CACNA1C: variants seen among roughly 807,000 people sequenced by gnomAD.
CACNA1C encodes calcium voltage-gated channel subunit alpha1 C, also known as voltage-dependent L-type calcium channel subunit alpha-1C.
Under a neutral mutation model 229.0 loss-of-function variants are expected in CACNA1C, and 30 were observed. That is an observed-to-expected ratio of 0.13 (90% confidence interval 0.10 to 0.18). CACNA1C has a LOEUF of 0.18. Ranked by LOEUF, CACNA1C falls within the 10% of genes least tolerant of loss-of-function variation. The pLI, the probability that CACNA1C is intolerant of heterozygous loss-of-function variation, is 1.00. For synonymous variants in CACNA1C, 1,114 were observed against 1,132.5 expected (o/e 0.98, Z 0.33); for missense variants, 1,658 against 2,845.0 (o/e 0.58, Z 9.49).
At chr12:2,229,875 T>A (rs1325503764) in intron 3 of CACNA1C, among the ~76,000 whole-genome samples, 2 of 152,122 alleles carry the variant, frequency 1.3e-5, no homozygotes, top group African/African-American at 4.8e-5. Context: ...GCACGGCAGC[T>A]TTTGCCCGGA....
intron 3 of CACNA1C, among the ~76,000 whole-genome samples, chr12:2,418,397 G>T (rs1189835634): frequency 6.6e-6 from 1 of 152,192 alleles, no homozygotes; most frequent in East Asian, 1.9e-4. Flanking sequence ...AATCTGTCCT[G>T]AGAGTAGGTT....
rs1569212959 is a variant in CACNA1C, at chr12:2,678,348, GC to G, written c.5091+482del. Reference sequence around the variant, plus strand: ...CGGTGGCCCTTTGAGATGGAGCATAGCGTGTGTTCTCCAGGTCTCCAAGACC... The same window carrying G: ...CGGTGGCCCTTTGAGATGGAGCATAGGTGTGTTCTCCAGGTCTCCAAGACC... On this transcript the variant is annotated intron_variant, in intron 41 of 46. Coordinates refer to ENST00000399655, the MANE Select transcript of CACNA1C (RefSeq NM_000719.7). The surrounding 1 kb of genome is among the most constrained non-coding windows in gnomAD (Gnocchi z 4.1). 6.6e-6 allele frequency among the ~76,000 whole-genome samples: 1 copy of G among 152,194 alleles called. No homozygotes were observed. The highest frequency in any genetic ancestry group is 1.9e-4 in the East Asian group (1 of 5,186).
chr12:2,455,381 A>C (rs1399654667), intron 4 of CACNA1C, among the ~76,000 whole-genome samples: 1 of 152,230 alleles, frequency 6.6e-6, no homozygotes, highest in Non-Finnish European at 1.5e-5. Context: ...TATTTCAAAG[A>C]TTTAGTACAA....
intron 5 of CACNA1C, among the ~76,000 whole-genome samples, chr12:2,464,920 G>A (rs939636850): frequency 4.6e-5 from 7 of 152,336 alleles, no homozygotes; most frequent in South Asian, 2.1e-4. Context: ...GGCAAGGAAA[G>A]CCTTACAACA....
intron 3 of CACNA1C, among the ~76,000 whole-genome samples, chr12:2,256,030 C>T (rs958382482): frequency 1.4e-3 from 213 of 150,608 alleles, no homozygotes; most frequent in South Asian, 2.5e-3. Context: ...TACAATCACA[C>T]GATCCTGACC....
Position 2,605,845 on chromosome 12 carries a change from A to G in CACNA1C, c.3156+59A>G. 1.7e-6 allele frequency: 2 copies of G among 1,175,276 alleles called. No homozygotes were observed. Among genetic ancestry groups the G allele is most frequent in the Non-Finnish European group, 2.6e-6 (2 of 781,182 alleles). The allele number at this position is 1,175,276 out of a possible 1,614,324, so 72.8% of individuals were successfully genotyped here. A position where few individuals can be genotyped will look rare whatever the true frequency, so the allele number is the denominator to read the frequency against. ...TCCCCTCCCATCAGCATTCCTGGGG[A>G]AGGGAACTGGCAGATATAGTACAAA... On this transcript the variant is annotated intron_variant, in intron 24 of 46. Transcript: ENST00000399655. The surrounding 1 kb of genome is among the most constrained non-coding windows in gnomAD (Gnocchi z 6.2).
chr12:2,020,274 G>A (rs1180326529), intron 1 of CACNA1C: 1 of 152,146 alleles, frequency 6.6e-6, no homozygotes, highest in African/African-American at 2.4e-5. Flanking sequence ...CTATAAAGTG[G>A]GTGCTAATAT....
chr12:2,159,085 C>CCA (rs1265868551), intron 3 of CACNA1C, among the ~76,000 whole-genome samples: 1 of 152,002 alleles, frequency 6.6e-6, no homozygotes, highest in Admixed American at 6.6e-5. Flanking sequence ...CCAAAAGAAA[C>CCA]AGCTAAGGAA....
In CACNA1C at chr12:2,677,271, C is replaced by T. The variant is rs1449802862; in HGVS notation, c.4956+50C>T. On this transcript the variant is annotated intron_variant, in intron 40 of 46. Coordinates refer to ENST00000399655, the MANE Select transcript of CACNA1C (RefSeq NM_000719.7). This position sits in a 1 kb window ranked among gnomAD's most constrained non-coding sequence, Gnocchi z 7.4. ...ACTCCAGGAAGGTCCTGGTCATTGC[C>T]TCTGACCTCCAGTCAGGGTCCCGGT... The T allele has an allele frequency of 1.3e-6, 2 of 1,591,914 alleles. No homozygotes were observed. The highest frequency in any genetic ancestry group is 1.7e-6 in the Non-Finnish European group (2 of 1,167,188).
At chr12:2,668,158 C>A (rs1039580062) in intron 37 of CACNA1C, among the ~76,000 whole-genome samples, 1 of 152,264 alleles carries the variant, frequency 6.6e-6, no homozygotes. Context: ...TGCTGCCTGG[C>A]AGGTGGGCTC....
chr12:2,576,656 C>T (rs1016521411), intron 13 of CACNA1C, among the ~76,000 whole-genome samples: 9 of 152,136 alleles, frequency 5.9e-5, no homozygotes, highest in Non-Finnish European at 7.4e-5. Context: ...AGGAGGCCAT[C>T]ATCCAATCTT....
intron 15 of CACNA1C, among the ~76,000 whole-genome samples, chr12:2,583,213 G>A (rs1357168031): frequency 6.6e-6 from 1 of 152,246 alleles, no homozygotes; most frequent in East Asian, 1.9e-4. Flanking sequence ...CCCTGGCGTT[G>A]CGGCGTGTGC....
intron 1 of CACNA1C, among the ~76,000 whole-genome samples, chr12:2,080,065 A>T (rs1271372676): frequency 1.3e-5 from 2 of 152,134 alleles, no homozygotes; most frequent in Non-Finnish European, 2.9e-5. Context: ...GTTCAAGACC[A>T]GCCTGGCCAA....
intron 3 of CACNA1C, among the ~76,000 whole-genome samples, chr12:2,320,356 G>T (rs2095915454): frequency 6.6e-6 from 1 of 152,204 alleles, no homozygotes; most frequent in Non-Finnish European, 1.5e-5. Context: ...TGTTGAATAT[G>T]TATGCATATT....
At chr12:2,246,613 G>A (rs1254694663) in intron 3 of CACNA1C, among the ~76,000 whole-genome samples, 2 of 152,174 alleles carry the variant, frequency 1.3e-5, no homozygotes, top group East Asian at 1.9e-4. Flanking sequence ...GAGGCACACC[G>A]AGGGTAGGTC....
At chr12:2,663,642 A>G (rs1228647394) in intron 34 of CACNA1C, among the ~76,000 whole-genome samples, 2 of 152,102 alleles carry the variant, frequency 1.3e-5, no homozygotes, top group African/African-American at 4.8e-5. Flanking sequence ...GAAATGTCAG[A>G]GATCACCACT....
At chr12:2,264,573 C>G (rs1474998819) in intron 3 of CACNA1C, among the ~76,000 whole-genome samples, 1 of 152,204 alleles carries the variant, frequency 6.6e-6, no homozygotes, top group Admixed American at 6.5e-5. Flanking sequence ...TGCTGTGGCT[C>G]AGAGATGGCT....
At chr12:2,170,305 C>T (rs1159830194) in intron 3 of CACNA1C, among the ~76,000 whole-genome samples, 1 of 152,182 alleles carries the variant, frequency 6.6e-6, no homozygotes, top group Non-Finnish European at 1.5e-5. Flanking sequence ...GGGGGATAAG[C>T]CCTCTACTCT....
chr12:2,046,210 G>A (rs958420749), intron 1 of CACNA1C, among the ~76,000 whole-genome samples: 2 of 152,224 alleles, frequency 1.3e-5, no homozygotes, highest in Non-Finnish European at 2.9e-5. Context: ...TGTGGGAACG[G>A]CTCGCACTTT....
Sources: allele counts gnomAD v4.1 joint callset (sites outside exome capture counted in the v4.1 genomes callset), GRCh38; gene constraint gnomAD v4.1.1; non-coding constraint Gnocchi (gnomAD v3.1); transcripts MANE v1.5; gene names NCBI Gene and HGNC (gene_info 2026-07-23, HGNC 2026-07-21).